The following SGCG variants were observed in gnomAD, a reference collection of about 807,000 sequenced individuals.
SGCG encodes the protein gamma-sarcoglycan.
Under a neutral mutation model 29.3 loss-of-function variants are expected in SGCG, and 26 were observed. That is an observed-to-expected ratio of 0.89 (90% CI 0.65 to 1.23). The LOEUF (loss-of-function observed/expected upper bound fraction) is 1.23, where lower values mean the gene tolerates loss of function less well. Among genes scored for constraint, SGCG ranks in the 50% most tolerant of loss-of-function variants. SGCG has a pLI of 0.00. For missense variants in SGCG, 353 were observed against 356.0 expected, an observed-to-expected ratio of 0.99 and a Z score of 0.07; for synonymous variants, 145 against 129.7, an observed-to-expected ratio of 1.12 and a Z score of -0.80.
intron 4 of SGCG, among the ~76,000 whole-genome samples, chr13:23,279,139 T>A (rs903702021): frequency 1.3e-5 from 2 of 152,188 alleles, no homozygotes; most frequent in African/African-American, 4.8e-5. Flanking sequence ...TATATTGATA[T>A]AGGTTAACAT....
chr13:23,285,392 G>A (rs753696779), intron 5 of SGCG, among the ~76,000 whole-genome samples: 4 of 152,286 alleles, frequency 2.6e-5, no homozygotes, highest in African/African-American at 4.8e-5. Context: ...CCTTCTCAGC[G>A]GCTTTGTTTG....
At chr13:23,305,925 G>T (rs951035373) in intron 6 of SGCG, among the ~76,000 whole-genome samples, 1 of 152,176 alleles carries the variant, frequency 6.6e-6, no homozygotes, top group South Asian at 2.1e-4. Context: ...AGGCTAAAGT[G>T]CAAGAACACG....
chr13:23,264,550 C>T (rs1380028800), intron 4 of SGCG, among the ~76,000 whole-genome samples: 1 of 152,106 alleles, frequency 6.6e-6, no homozygotes, highest in Non-Finnish European at 1.5e-5. Context: ...ATACCAGCAT[C>T]ATTCTTACAG....
intron 2 of SGCG, among the ~76,000 whole-genome samples, chr13:23,211,780 C>A (rs1878222713): frequency 6.6e-6 from 1 of 152,140 alleles, no homozygotes; most frequent in African/African-American, 2.4e-5. Context: ...TTCTCTCTTG[C>A]TTCAGTGTTT....
chr13:23,244,063 A>G (rs1377172610), intron 3 of SGCG: 3 of 152,044 alleles, frequency 2.0e-5, no homozygotes, highest in African/African-American at 7.2e-5. Flanking sequence ...ACCACTCTGG[A>G]AGATATTTGG....
intron 5 of SGCG, among the ~76,000 whole-genome samples, chr13:23,286,417 A>G (rs1372163600): frequency 2.6e-5 from 4 of 152,238 alleles, no homozygotes; most frequent in Non-Finnish European, 5.9e-5. Flanking sequence ...TGATGATGAC[A>G]TGATAGTCAT....
At chr13:23,313,406 C>G (rs1462496909) in intron 6 of SGCG, among the ~76,000 whole-genome samples, 1 of 152,092 alleles carries the variant, frequency 6.6e-6, no homozygotes, top group African/African-American at 2.4e-5. Flanking sequence ...CTCAATTGAT[C>G]CACCTGCCTC....
chr13:23,251,944 T>C (rs971278160), intron 4 of SGCG, among the ~76,000 whole-genome samples: 3 of 152,168 alleles, frequency 2.0e-5, no homozygotes, highest in Non-Finnish European at 4.4e-5. Context: ...TACAGCCTTA[T>C]GTTAATCTGA....
chr13:23,195,491 GTTTT>G (rs1294796883), intron 1 of SGCG, among the ~76,000 whole-genome samples: 1 of 151,856 alleles, frequency 6.6e-6, no homozygotes, highest in African/African-American at 2.4e-5. Flanking sequence ...TTAAATAAAG[GTTTT>G]TGTTTGTTTG....
At chr13:23,276,575 G>C (rs1308138760) in intron 4 of SGCG, among the ~76,000 whole-genome samples, 4 of 152,014 alleles carry the variant, frequency 2.6e-5, no homozygotes, top group Non-Finnish European at 5.9e-5. Flanking sequence ...TGGGACTACA[G>C]GCGCACGCCG....
At chr13:23,316,050 G>A (rs1321047419) in intron 6 of SGCG, among the ~76,000 whole-genome samples, 1 of 152,172 alleles carries the variant, frequency 6.6e-6, no homozygotes, top group East Asian at 1.9e-4. Context: ...GTTACGCATT[G>A]GCTCAGCAAC....
chr13:23,242,680 T>C (rs1879555874), intron 3 of SGCG, among the ~76,000 whole-genome samples: 1 of 152,148 alleles, frequency 6.6e-6, no homozygotes, highest in African/African-American at 2.4e-5. Context: ...TAGCTAATGA[T>C]AAAAACTGAA....
chr13:23,167,185 A>G, the SGCG span, among the ~76,000 whole-genome samples: 727 of 152,336 alleles, frequency 4.8e-3, 5 homozygotes, highest in African/African-American at 0.015. Flanking sequence ...TTCACTTAAC[A>G]TAATGTTCTC....
the SGCG span, among the ~76,000 whole-genome samples, chr13:23,171,990 C>A: frequency 6.6e-6 from 1 of 152,156 alleles, no homozygotes; most frequent in East Asian, 1.9e-4. Flanking sequence ...AGACCCATAC[C>A]GTATAATTGA....
At chr13:23,204,332 A>T (rs1877893988) in intron 2 of SGCG, among the ~76,000 whole-genome samples, 1 of 152,208 alleles carries the variant, frequency 6.6e-6, no homozygotes, top group Non-Finnish European at 1.5e-5. Flanking sequence ...TAAAAACCCT[A>T]TGCTGATGTA....
intron 3 of SGCG, among the ~76,000 whole-genome samples, chr13:23,250,033 T>C (rs1435596365): frequency 2.0e-5 from 3 of 152,222 alleles, no homozygotes; most frequent in African/African-American, 7.2e-5. Context: ...GAAATTTATT[T>C]TTCTTTCTGT....
chr13:23,313,589 C>G (rs924011594), intron 6 of SGCG, among the ~76,000 whole-genome samples: 2 of 152,182 alleles, frequency 1.3e-5, no homozygotes, highest in African/African-American at 4.8e-5. Context: ...TGGAAAATTA[C>G]TGACTTCTAT....
chr13:23,247,214 A>C (rs1266839815), intron 3 of SGCG: 1 of 152,976 alleles, frequency 6.5e-6, no homozygotes, highest in Non-Finnish European at 1.5e-5. Context: ...GAGTCTTCCT[A>C]AGAAAGGAGA....
At chr13:23,239,739 C>A (rs752740571) in intron 3 of SGCG, among the ~76,000 whole-genome samples, 8 of 152,070 alleles carry the variant, frequency 5.3e-5, no homozygotes, top group Non-Finnish European at 1.0e-4. Context: ...TCACATCACA[C>A]GTGAGTGGCA....
Sources: gnomAD v4.1 joint callset for allele counts (sites outside exome capture counted in the v4.1 genomes callset) on GRCh38, gnomAD v4.1.1 for gene constraint, MANE v1.5 for transcripts, NCBI Gene and HGNC (gene_info 2026-07-23, HGNC 2026-07-21) for gene names.